The following MED12L variants were observed in gnomAD, a reference collection of about 807,000 sequenced individuals.
MED12L encodes mediator complex subunit 12L, also known as mediator of RNA polymerase II transcription subunit 12-like protein.
A neutral mutation model predicts 281.3 loss-of-function variants in MED12L; 60 were observed. The ratio of observed to expected loss-of-function variants is 0.21; its 90% confidence interval spans 0.17 to 0.26. The LOEUF (loss-of-function observed/expected upper bound fraction) is 0.26, where lower values mean the gene tolerates loss of function less well. Ranked by LOEUF, MED12L falls within the 10% of genes least tolerant of loss-of-function variation. MED12L has a pLI of 1.00. For missense variants in MED12L, 2,146 were observed against 2,680.9 expected (o/e 0.80, Z 4.41); for synonymous variants, 974 against 987.2 (o/e 0.99, Z 0.25).
At chr3:151,184,651 A>G (rs568919183) in intron 11 of MED12L, among the ~76,000 whole-genome samples, 2 of 152,022 alleles carry the variant, frequency 1.3e-5, no homozygotes, top group Admixed American at 1.3e-4. Flanking sequence ...GCTGGTGCCT[A>G]TTTCTAGGCC....
chr3:151,213,810 T>G, intron 16 of MED12L: 1 of 1,614,178 alleles, frequency 6.2e-7, no homozygotes, highest in Non-Finnish European at 8.5e-7. Context: ...TACATTTTAT[T>G]TGTGTAACCT....
intron 16 of MED12L, among the ~76,000 whole-genome samples, chr3:151,285,917 C>T (rs1559983008): frequency 6.6e-6 from 1 of 152,192 alleles, no homozygotes; most frequent in Non-Finnish European, 1.5e-5. Flanking sequence ...TGATCTTGAA[C>T]TTCCCAGCTT....
At chr3:151,232,037 CT>C (rs1251935734) in intron 16 of MED12L, among the ~76,000 whole-genome samples, 8 of 152,086 alleles carry the variant, frequency 5.3e-5, no homozygotes, top group Non-Finnish European at 1.5e-5. Context: ...GGGAAGGGTC[CT>C]GTGCTCCGTG....
At chr3:151,334,078 A>G (rs1750655953) in intron 16 of MED12L, among the ~76,000 whole-genome samples, 2 of 152,178 alleles carry the variant, frequency 1.3e-5, no homozygotes, top group South Asian at 4.1e-4. Context: ...CTCTATCTCA[A>G]AAAAAAGAAA....
intron 11 of MED12L, among the ~76,000 whole-genome samples, chr3:151,175,032 A>G (rs1301239037): frequency 6.6e-6 from 1 of 152,212 alleles, no homozygotes; most frequent in Non-Finnish European, 1.5e-5. Flanking sequence ...AATGAATACC[A>G]TTTATGCTTA....
chr3:151,401,164 T>C (rs1454690978), intron 39 of MED12L, among the ~76,000 whole-genome samples: 1 of 152,250 alleles, frequency 6.6e-6, no homozygotes. Context: ...TAATTATTTC[T>C]ACTTTATGTA....
At chr3:151,364,537 G>C (rs1016473153) in intron 21 of MED12L, among the ~76,000 whole-genome samples, 1 of 152,100 alleles carries the variant, frequency 6.6e-6, no homozygotes, top group Non-Finnish European at 1.5e-5. Context: ...CTTCTACTGC[G>C]TACACTATAC....
intron 16 of MED12L, among the ~76,000 whole-genome samples, chr3:151,239,769 T>C (rs911445436): frequency 2.0e-5 from 3 of 152,228 alleles, no homozygotes; most frequent in African/African-American, 4.8e-5. Flanking sequence ...GATTTTGTTA[T>C]GGTTGTTAGT....
Position 151,355,116 on chromosome 3 carries a change from T to C in MED12L, c.2399-5T>C, listed in dbSNP as rs1478342181. 1 of 1,604,526 alleles carries C rather than the reference T, an allele frequency of 6.2e-7. No homozygotes were observed. Among genetic ancestry groups the C allele is most frequent in the South Asian group, 1.1e-5 (1 of 90,748 alleles). On this transcript the variant is annotated splice_polypyrimidine_tract_variant and splice_region_variant and intron_variant, in intron 17 of 44. Transcript: ENST00000687756. ...AAATAATGGATCTGCTTTATGTTTA[T>C]GTAGTTGGGGACGAAGGACAAAAAG...
chr3:151,139,038 A>G (rs373280289), intron 5 of MED12L, among the ~76,000 whole-genome samples: 5 of 151,916 alleles, frequency 3.3e-5, no homozygotes, highest in African/African-American at 1.2e-4. Context: ...TCATTAATGT[A>G]TGTATGTATT....
chr3:151,343,220 CCAT>C (rs1752095107), intron 16 of MED12L, among the ~76,000 whole-genome samples: 1 of 152,076 alleles, frequency 6.6e-6, no homozygotes, highest in Admixed American at 6.6e-5. Flanking sequence ...TTTTCTAAGA[CCAT>C]CAAATGAAAC....
At position 151,416,441 on chromosome 3, in the gene MED12L, G is replaced by A; in HGVS notation, c.6408+19G>A. ...GCCCTTGGTAAGGCCTGTTGTTTTG[G>A]AATCAGACATGTGGGTTTCTTCTTT... On this transcript the variant is annotated intron_variant, in intron 43 of 44. Coordinates refer to ENST00000687756, the MANE Select transcript of MED12L (RefSeq NM_001393769.1). 1 of 1,611,702 alleles carries A rather than the reference G, an allele frequency of 6.2e-7. No homozygotes were observed. Among genetic ancestry groups the A allele is most frequent in the Non-Finnish European group, 8.5e-7 (1 of 1,178,944 alleles).
chr3:151,233,380 A>T (rs1371471650), intron 16 of MED12L, among the ~76,000 whole-genome samples: 2 of 152,218 alleles, frequency 1.3e-5, no homozygotes, highest in Non-Finnish European at 2.9e-5. Context: ...TTTCTTTTCA[A>T]TGGAATGTTT....
intron 23 of MED12L, 90 bp from the exon 24 acceptor site, chr3:151,367,556 T>C: frequency 4.3e-6 from 5 of 1,176,030 alleles, no homozygotes; most frequent in South Asian, 1.8e-5. Flanking sequence ...TGAGATCTTA[T>C]TGGTATTGCC....
chr3:151,102,799 C>T (rs562140790), intron 2 of MED12L, among the ~76,000 whole-genome samples: 14 of 152,176 alleles, frequency 9.2e-5, no homozygotes, highest in African/African-American at 2.9e-4. Context: ...ATTTGCAATA[C>T]ATTTGGTGGG....
intron 16 of MED12L, among the ~76,000 whole-genome samples, chr3:151,250,716 C>G (rs1379261722): frequency 6.6e-6 from 1 of 152,172 alleles, no homozygotes; most frequent in Non-Finnish European, 1.5e-5. Flanking sequence ...GTGAACAATG[C>G]TGCTATGAAA....
Position 151,372,599 on chromosome 3 carries a change from T to C in MED12L, c.3697T>C (p.Ser1233Pro). 1 of 1,613,880 alleles carries C rather than the reference T, an allele frequency of 6.2e-7. No individual in the cohort carries two copies. Among genetic ancestry groups the C allele is most frequent in the Non-Finnish European group, 8.5e-7 (1 of 1,179,802 alleles). Residue 1233 changes from serine to proline, a missense_variant, in exon 27 of 45, where the codon TCT (serine) becomes CCT (proline). By Grantham distance (74) the Ser-to-Pro change is moderately conservative. This residue lies in a region of MED12L where 235 missense variants were observed against 260.3 expected (regional missense o/e 0.90). Transcript: ENST00000687756. ...CAAAATTGGCAATAACAGTGTCAGC[T>C]CTTTAAAGAATGATGACTTCACCAT... is the stretch of plus-strand genomic sequence containing the variant. ...DAKIGNNSVS[S>P]LKNDDFTMRG...
intron 16 of MED12L, among the ~76,000 whole-genome samples, chr3:151,204,740 G>C (rs889940074): frequency 1.3e-5 from 2 of 152,220 alleles, no homozygotes; most frequent in African/African-American, 4.8e-5. Context: ...ACTGCAAACA[G>C]TGGTGAATGA....
chr3:151,386,534 C>T (rs1713378454), intron 36 of MED12L, among the ~76,000 whole-genome samples: 1 of 150,686 alleles, frequency 6.6e-6, no homozygotes, highest in Non-Finnish European at 1.5e-5. Context: ...GGATTACAGA[C>T]ATGCACCACC....
Sources: allele counts gnomAD v4.1 joint callset (sites outside exome capture counted in the v4.1 genomes callset), GRCh38; gene constraint gnomAD v4.1.1; regional missense constraint gnomAD v4.1.1; transcripts MANE v1.5; gene names NCBI Gene and HGNC (gene_info 2026-07-23, HGNC 2026-07-21).